KCNC2: variants seen among roughly 807,000 people sequenced by gnomAD.
The protein encoded by KCNC2 is voltage-gated potassium channel KCNC2.
KCNC2 carries 21 observed loss-of-function variants against 44.5 expected under a neutral mutation model. The ratio of observed to expected loss-of-function variants is 0.47; its 90% CI spans 0.33 to 0.68. The LOEUF is 0.68. KCNC2 is among the 30% of genes least tolerant of loss of function. The pLI is 0.01. For missense variants in KCNC2, 589 were observed against 826.2 expected (o/e 0.71, Z 3.52); for synonymous variants, 391 against 339.1 (o/e 1.15, Z -1.68).
intron 2 of KCNC2, among the ~76,000 whole-genome samples, chr12:75,132,241 A>T (rs139517963): frequency 1.8e-4 from 28 of 152,102 alleles, no homozygotes; most frequent in African/African-American, 2.7e-4. Flanking sequence ...TAATAAATAT[A>T]AAAAAATTAG....
At chr12:75,076,025 T>C (rs748587513) in intron 2 of KCNC2, among the ~76,000 whole-genome samples, 1 of 143,986 alleles carries the variant, frequency 6.9e-6, no homozygotes, top group Non-Finnish European at 1.5e-5. Flanking sequence ...CTTAATGCCT[T>C]ATTAATGTTA....
chr12:75,041,202 C>A lies in KCNC2; in HGVS notation c.*1903G>T. 6.3e-7 allele frequency: 1 copy of A among 1,595,668 alleles called. No homozygotes were observed. The highest frequency in any genetic ancestry group is 8.5e-7 in the Non-Finnish European group (1 of 1,177,946). Reference sequence around the variant, plus strand: ...TCAATAATCCATGATAAATTCTGTACAACACTGTAGTCAATAACAGCAGCA... The same window carrying A: ...TCAATAATCCATGATAAATTCTGTAAAACACTGTAGTCAATAACAGCAGCA... On this transcript the variant is annotated 3_prime_UTR_variant, in exon 5 of 5. Transcript: ENST00000549446.
At chr12:75,066,209 T>TCTTTTTG (rs1882818814) in intron 2 of KCNC2, among the ~76,000 whole-genome samples, 1 of 152,160 alleles carries the variant, frequency 6.6e-6, no homozygotes, top group East Asian at 1.9e-4. Flanking sequence ...AATAAAATTT[T>TCTTTTTG]CTTTTTGCTT....
intron 2 of KCNC2, among the ~76,000 whole-genome samples, chr12:75,052,264 A>G (rs1177742535): frequency 2.0e-5 from 3 of 152,094 alleles, no homozygotes; most frequent in Non-Finnish European, 4.4e-5. Flanking sequence ...CTACTTTTCC[A>G]TGGTCATAAA....
At chr12:75,188,693 T>A (rs765448575) in intron 2 of KCNC2, among the ~76,000 whole-genome samples, 4 of 151,612 alleles carry the variant, frequency 2.6e-5, no homozygotes. Flanking sequence ...ATCCTGTCTC[T>A]ACTAAAAATA....
chr12:75,077,705 C>T (rs1211486002), intron 2 of KCNC2, among the ~76,000 whole-genome samples: 1 of 151,880 alleles, frequency 6.6e-6, no homozygotes, highest in Non-Finnish European at 1.5e-5. Context: ...CAATGTAGGA[C>T]CTATTCAGTG....
chr12:75,087,010 A>G (rs1405490085), intron 2 of KCNC2, among the ~76,000 whole-genome samples: 1 of 152,090 alleles, frequency 6.6e-6, no homozygotes, highest in African/African-American at 2.4e-5. Flanking sequence ...GTTCTCTGTT[A>G]GGTACTGAGG....
At chr12:75,201,968 C>A (rs189063636) in intron 2 of KCNC2, among the ~76,000 whole-genome samples, 7 of 151,944 alleles carry the variant, frequency 4.6e-5, no homozygotes, top group South Asian at 4.1e-4. Context: ...AAAAAGAATA[C>A]ATGGCTCAGA....
chr12:75,101,993 G>A (rs914115985), intron 2 of KCNC2, among the ~76,000 whole-genome samples: 4 of 151,918 alleles, frequency 2.6e-5, no homozygotes, highest in Non-Finnish European at 5.9e-5. Flanking sequence ...ATGTCTCGGC[G>A]GACTGCCTAA....
At chr12:75,160,862 G>T (rs1428515722) in intron 2 of KCNC2, among the ~76,000 whole-genome samples, 2 of 151,822 alleles carry the variant, frequency 1.3e-5, no homozygotes, top group African/African-American at 4.8e-5. Flanking sequence ...ACCAAAAAAA[G>T]TTTTAAAACA....
At chr12:75,183,334 G>A (rs1274489378) in intron 2 of KCNC2, among the ~76,000 whole-genome samples, 3 of 152,158 alleles carry the variant, frequency 2.0e-5, no homozygotes, top group Non-Finnish European at 2.9e-5. Flanking sequence ...AAGCGAAGAC[G>A]TGCTTCTACA....
chr12:75,121,549 T>C (rs1032391992), intron 2 of KCNC2, among the ~76,000 whole-genome samples: 1 of 152,220 alleles, frequency 6.6e-6, no homozygotes, highest in Admixed American at 6.5e-5. Context: ...ATTGCCTTTG[T>C]CACAGGACCA....
intron 2 of KCNC2, among the ~76,000 whole-genome samples, chr12:75,182,470 C>G (rs559346998): frequency 1.4e-5 from 2 of 144,290 alleles, no homozygotes; most frequent in East Asian, 2.1e-4. Context: ...TTAGTGAGCC[C>G]AGATCGCGCC....
intron 2 of KCNC2, among the ~76,000 whole-genome samples, chr12:75,174,211 T>C (rs1892026776): frequency 6.6e-6 from 1 of 151,804 alleles, no homozygotes; most frequent in Non-Finnish European, 1.5e-5. Flanking sequence ...ACACCGTGTA[T>C]TTTTTACACA....
intron 2 of KCNC2, among the ~76,000 whole-genome samples, chr12:75,174,574 A>G (rs1565663336): frequency 1.3e-5 from 2 of 151,926 alleles, no homozygotes; most frequent in South Asian, 4.1e-4. Flanking sequence ...ATTTTATTTG[A>G]CATAGAGCAC....
chr12:75,184,760 A>C (rs1400490778), intron 2 of KCNC2, among the ~76,000 whole-genome samples: 1 of 152,206 alleles, frequency 6.6e-6, no homozygotes, highest in Non-Finnish European at 1.5e-5. Flanking sequence ...TATATGCAAA[A>C]TATTCATCCA....
chr12:75,050,261 A>G (rs1881022227), intron 3 of KCNC2, 129 bp downstream of exon 3: 1 of 697,224 alleles, frequency 1.4e-6, no homozygotes. Flanking sequence ...ACACAAACAC[A>G]CATTTCGTGA....
chr12:75,201,637 C>G (rs2031286032), intron 2 of KCNC2, among the ~76,000 whole-genome samples: 1 of 151,796 alleles, frequency 6.6e-6, no homozygotes, highest in African/African-American at 2.4e-5. Flanking sequence ...ATATCCAGTC[C>G]TGCTCTGTTC....
intron 2 of KCNC2, among the ~76,000 whole-genome samples, chr12:75,205,664 G>A (rs2031625930): frequency 6.6e-6 from 1 of 152,010 alleles, no homozygotes; most frequent in Admixed American, 6.6e-5. Flanking sequence ...TGGAAAAAAA[G>A]AATCACATGA....
Sources: gnomAD v4.1 joint callset for allele counts (sites outside exome capture counted in the v4.1 genomes callset) on GRCh38, gnomAD v4.1.1 for gene constraint, MANE v1.5 for transcripts, NCBI Gene and HGNC (gene_info 2026-07-23, HGNC 2026-07-21) for gene names.